Variants in UNC79 observed in about 807,000 individuals in gnomAD.
The protein encoded by UNC79 is unc-79 subunit of NALCN channel complex.
In UNC79, 37 loss-of-function variants were observed where a neutral mutation model predicts 283.1. That is an observed-to-expected ratio of 0.13 (90% confidence interval 0.10 to 0.17). The LOEUF (loss-of-function observed/expected upper bound fraction) is 0.17, where lower values mean the gene tolerates loss of function less well. Among genes scored for constraint, UNC79 ranks in the 10% least tolerant of loss-of-function variants. UNC79 has a pLI of 1.00. For synonymous variants in UNC79, 1,107 were observed against 1,200.2 expected, an observed-to-expected ratio of 0.92 and a Z score of 1.61; for missense variants, 2,272 against 3,211.1, an observed-to-expected ratio of 0.71 and a Z score of 7.07.
chr14:93,685,227 G>A (rs1010842126), intron 42 of UNC79, among the ~76,000 whole-genome samples: 1 of 152,112 alleles, frequency 6.6e-6, no homozygotes, highest in Non-Finnish European at 1.5e-5. Flanking sequence ...AGTGACATTT[G>A]CCTAGTTGAA....
At chr14:93,616,016 C>T (rs1011073705) in intron 27 of UNC79, among the ~76,000 whole-genome samples, 20 of 151,650 alleles carry the variant, frequency 1.3e-4, no homozygotes, top group Admixed American at 2.6e-4. Flanking sequence ...GGGTTTTTGG[C>T]GAACAGGTGG....
intron 2 of UNC79, among the ~76,000 whole-genome samples, chr14:93,472,857 AC>A (rs2140312712): frequency 6.6e-6 from 1 of 152,242 alleles, no homozygotes; most frequent in African/African-American, 2.4e-5. Flanking sequence ...ATCTACTTGG[AC>A]TAACATAAGT....
At chr14:93,362,089 G>A (rs974731295) in intron 1 of UNC79, among the ~76,000 whole-genome samples, 1 of 152,116 alleles carries the variant, frequency 6.6e-6, no homozygotes, top group Non-Finnish European at 1.5e-5. Flanking sequence ...ATTTGGTTTG[G>A]TAGTATTTGG....
intron 1 of UNC79, among the ~76,000 whole-genome samples, chr14:93,408,431 G>A (rs915723843): frequency 3.3e-5 from 5 of 152,190 alleles, no homozygotes; most frequent in Non-Finnish European, 7.3e-5. Context: ...AGTGGCTCAT[G>A]CCTGTGATTC....
chr14:93,434,017 C>A (rs1435520551), intron 1 of UNC79, among the ~76,000 whole-genome samples: 1 of 152,008 alleles, frequency 6.6e-6, no homozygotes, highest in Non-Finnish European at 1.5e-5. Flanking sequence ...AGTTCGAGAC[C>A]AGCCTGACCA....
chr14:93,593,940 A>G (rs565236556), intron 23 of UNC79, 103 bp downstream of exon 23: 1 of 1,296,666 alleles, frequency 7.7e-7, no homozygotes, highest in South Asian at 1.6e-5. Flanking sequence ...TTCTTTTTAA[A>G]AGGCATTCTC....
At chr14:93,611,945 A>G (rs1235277971) in intron 26 of UNC79, among the ~76,000 whole-genome samples, 2 of 152,208 alleles carry the variant, frequency 1.3e-5, no homozygotes, top group Admixed American at 6.5e-5. Context: ...ACCAAACCTG[A>G]TAAGAAGGGG....
chr14:93,347,185 T>G (rs2053861138), intron 1 of UNC79: 1 of 1,464,288 alleles, frequency 6.8e-7, no homozygotes, highest in African/African-American at 1.4e-5. Flanking sequence ...GCAAACCAGC[T>G]GCCTCACGAG....
exon 16 of UNC79, chr14:93,572,810 G>T (rs779654529): frequency 6.2e-7 from 1 of 1,613,292 alleles, no homozygotes; most frequent in Non-Finnish European, 8.5e-7. Context: ...CTTTACTGTG[G>T]CTTCATGTAA....
chr14:93,484,419 T>A (rs1235050664), intron 4 of UNC79, among the ~76,000 whole-genome samples: 1 of 152,236 alleles, frequency 6.6e-6, no homozygotes, highest in Non-Finnish European at 1.5e-5. Context: ...TGGCTTTTCC[T>A]ATATAACTCC....
intron 1 of UNC79, among the ~76,000 whole-genome samples, chr14:93,394,497 G>A (rs1910516): frequency 0.54 from 81,572 of 150,186 alleles, 22,684 homozygotes; most frequent in Admixed American, 0.65. Context: ...TGCAACCTCC[G>A]CCTCCCAGGT....
intron 11 of UNC79, among the ~76,000 whole-genome samples, chr14:93,534,761 G>A (rs1362819915): frequency 6.6e-6 from 1 of 152,074 alleles, no homozygotes; most frequent in Non-Finnish European, 1.5e-5. Context: ...TTTGGCTCTG[G>A]GGACATACGT....
At chr14:93,677,448 C>A (rs1471549208) in intron 41 of UNC79, among the ~76,000 whole-genome samples, 1 of 152,178 alleles carries the variant, frequency 6.6e-6, no homozygotes, top group Non-Finnish European at 1.5e-5. Context: ...TGCAGGGGAA[C>A]TCCCATTTAT....
At chr14:93,526,384 T>C (rs1297342190) in intron 8 of UNC79, among the ~76,000 whole-genome samples, 3 of 152,174 alleles carry the variant, frequency 2.0e-5, no homozygotes, top group Non-Finnish European at 4.4e-5. Flanking sequence ...TGCAATTTTA[T>C]AGTATGATGT....
intron 1 of UNC79, among the ~76,000 whole-genome samples, chr14:93,394,870 C>T (rs2054963079): frequency 6.6e-6 from 1 of 152,076 alleles, no homozygotes. Flanking sequence ...TGCCACCATG[C>T]CTGGCTAATT....
At position 93,691,676 on chromosome 14, in the gene UNC79, A is replaced by G. The variant is rs2074710773; in HGVS notation, c.7273-73A>G. 28 of 1,548,276 alleles carry G rather than the reference A, an allele frequency of 1.8e-5. No homozygotes were observed. In the South Asian group the frequency reaches 2.7e-4, roughly 15 times the overall value. On this transcript the variant is annotated intron_variant, in intron 45 of 48. Transcript: ENST00000555664. ...TGTGCTCCCTGGCAAGACCAAAGCCATGCGGGAGGACTCCGTGGAGGGCCA... is the reference window on the plus strand; with the variant it reads ...TGTGCTCCCTGGCAAGACCAAAGCCGTGCGGGAGGACTCCGTGGAGGGCCA...
At chr14:93,580,402 C>G in intron 19 of UNC79, 26 bp downstream of exon 19, 2 of 1,604,782 alleles carry the variant, frequency 1.2e-6, no homozygotes, top group Non-Finnish European at 1.7e-6. Context: ...AACGAGATGA[C>G]CCATGTATAA....
intron 41 of UNC79, among the ~76,000 whole-genome samples, chr14:93,679,798 G>A (rs2073685862): frequency 6.6e-6 from 1 of 152,196 alleles, no homozygotes; most frequent in Non-Finnish European, 1.5e-5. Context: ...ATGGGGGAAT[G>A]CATATTTCAG....
chr14:93,453,180 T>A (rs1391897960), intron 1 of UNC79, among the ~76,000 whole-genome samples: 1 of 152,246 alleles, frequency 6.6e-6, no homozygotes, highest in African/African-American at 2.4e-5. Flanking sequence ...TCTTCTTGTT[T>A]AGGCAATTCT....
Sources: gnomAD v4.1 joint callset for allele counts (sites outside exome capture counted in the v4.1 genomes callset) on GRCh38, gnomAD v4.1.1 for gene constraint, MANE v1.5 for transcripts, NCBI Gene and HGNC (gene_info 2026-07-23, HGNC 2026-07-21) for gene names.